Variants in CUX1 observed in about 807,000 individuals in gnomAD.
CUX1 encodes protein CASP.
In CUX1, 31 loss-of-function variants were observed where a neutral mutation model predicts 158.8. The observed-to-expected ratio is 0.20, with a 90% CI of 0.15 to 0.26. The LOEUF is 0.26. CUX1 is among the 10% of genes least tolerant of loss of function. CUX1 has a pLI of 1.00. For synonymous variants in CUX1, 879 were observed against 862.1 expected, an observed-to-expected ratio of 1.02 and a Z score of -0.34; for missense variants, 1,589 against 2,014.6, an observed-to-expected ratio of 0.79 and a Z score of 4.04.
intron 2 of CUX1, among the ~76,000 whole-genome samples, chr7:101,963,776 C>T (rs761253913): frequency 1.3e-5 from 2 of 152,032 alleles, no homozygotes; most frequent in African/African-American, 4.8e-5. Flanking sequence ...CTCAGCCTCC[C>T]GATTATCTGG....
intron 1 of CUX1, among the ~76,000 whole-genome samples, chr7:101,827,973 GTTT>G (rs112801049): frequency 1.0e-5 from 1 of 98,674 alleles, no homozygotes; most frequent in Non-Finnish European, 2.0e-5. Context: ...GGTATAACTT[GTTT>G]TTTTTTTTTT....
At chr7:102,165,014 C>G (rs1431978786) in intron 9 of CUX1, among the ~76,000 whole-genome samples, 1 of 152,090 alleles carries the variant, frequency 6.6e-6, no homozygotes, top group East Asian at 1.9e-4. Context: ...AGGAGTCTGC[C>G]CTTAAAGGGG....
At chr7:102,223,496 G>A (rs529954666) in intron 20 of CUX1, among the ~76,000 whole-genome samples, 1 of 152,070 alleles carries the variant, frequency 6.6e-6, no homozygotes, top group South Asian at 2.1e-4. Flanking sequence ...TGTGCAGCGG[G>A]GAGAGTTGGC....
chr7:102,231,993 G>A (rs762300379), intron 21 of CUX1, among the ~76,000 whole-genome samples: 2 of 151,218 alleles, frequency 1.3e-5, no homozygotes, highest in Non-Finnish European at 2.9e-5. Flanking sequence ...GATTACAGGC[G>A]TGAGCCACCG....
chr7:102,266,239 A>AG (rs1790806247), intron 14 of CUX1, among the ~76,000 whole-genome samples: 2 of 150,198 alleles, frequency 1.3e-5, no homozygotes, highest in Non-Finnish European at 3.0e-5. Flanking sequence ...GAGAGACTTA[A>AG]GACAGATTCA....
intron 1 of CUX1, among the ~76,000 whole-genome samples, chr7:101,909,164 G>A (rs1255864741): frequency 5.9e-5 from 9 of 151,958 alleles, no homozygotes; most frequent in Non-Finnish European, 1.0e-4. Context: ...TTGGGAGGCC[G>A]AGGCGGGAGG....
Position 102,062,753 on chromosome 7 carries a change from G to C in CUX1, c.190-7586G>C, listed in dbSNP as rs932454372. Among the ~76,000 whole-genome samples the C allele has an allele frequency of 4.6e-5, 7 of 152,070 alleles. No homozygotes were observed. The South Asian group carries it at 1.4e-3, about 31-fold the overall frequency. ...TGCACTCAAACGATCCTCCCACCTT[G>C]GCCTCCCAAAGTGCTGGGATTATAG... On this transcript the variant is annotated intron_variant, in intron 3 of 23. Transcript: ENST00000292535.
chr7:102,188,255 T>C (rs1411716742), intron 11 of CUX1, among the ~76,000 whole-genome samples: 2 of 151,814 alleles, frequency 1.3e-5, no homozygotes, highest in African/African-American at 4.8e-5. Flanking sequence ...AGAAACCCTG[T>C]AGAGGGGAAG....
chr7:101,916,287 G>C lies in CUX1; in HGVS notation c.141+62G>C. 9.4e-7 allele frequency: 1 copy of C among 1,065,072 alleles called. No homozygotes were observed. Among genetic ancestry groups the C allele is most frequent in the South Asian group, 1.3e-5 (1 of 79,646 alleles). The allele number at this position is 1,065,072 out of a possible 1,614,324, so 66.0% of individuals were successfully genotyped here. On this transcript the variant is annotated intron_variant, in intron 2 of 23. Transcript: ENST00000292535. The surrounding 1 kb of genome is among the most constrained non-coding windows in gnomAD (Gnocchi z 4.4). ...TCTTAGAATGCTGGTGCATGTTCAGGCGACGCTCCGTGAGCGTTTCATTTT... is the reference window on the plus strand; with the variant it reads ...TCTTAGAATGCTGGTGCATGTTCAGCCGACGCTCCGTGAGCGTTTCATTTT...
At chr7:102,082,925 C>A (rs1299664388) in intron 4 of CUX1, among the ~76,000 whole-genome samples, 1 of 147,590 alleles carries the variant, frequency 6.8e-6, no homozygotes, top group Non-Finnish European at 1.5e-5. Flanking sequence ...GAAGTTGTTA[C>A]ATAGGTATAT....
Position 102,254,531 on chromosome 7 carries a change from G to A in CUX1, c.*5489G>A. On this transcript the variant is annotated 3_prime_UTR_variant, in exon 24 of 24. Coordinates refer to ENST00000292535, the MANE Select transcript of CUX1 (RefSeq NM_181552.4). ...CGAAGAAAATCAGCTCCTGGGGCTG[G>A]TGGTTGGAGGTGGGTCTGTCCACTG... The A allele has an allele frequency of 1.0e-6, 1 of 985,534 alleles. No homozygotes were observed. The highest frequency in any genetic ancestry group is 1.2e-6 in the Non-Finnish European group (1 of 830,004). The allele number at this position is 985,534 out of a possible 1,614,324, so 61.0% of individuals were successfully genotyped here. A position where few individuals can be genotyped will look rare whatever the true frequency, so the allele number is the denominator to read the frequency against.
At chr7:102,083,886 T>C (rs1827697894) in intron 4 of CUX1, among the ~76,000 whole-genome samples, 1 of 146,818 alleles carries the variant, frequency 6.8e-6, no homozygotes. Context: ...AAATCTACAA[T>C]GTTTATTTTA....
At chr7:102,151,481 G>A (rs1176832944) in intron 8 of CUX1, among the ~76,000 whole-genome samples, 2 of 152,022 alleles carry the variant, frequency 1.3e-5, no homozygotes, top group Non-Finnish European at 2.9e-5. Flanking sequence ...TTGAACCCAG[G>A]AGATGGAGGT....
At chr7:102,128,989 A>G (rs1332537223) in intron 8 of CUX1, among the ~76,000 whole-genome samples, 3 of 151,804 alleles carry the variant, frequency 2.0e-5, no homozygotes, top group African/African-American at 7.3e-5. Flanking sequence ...AAAAAGAGAA[A>G]AGAATGCCAC....
At chr7:102,014,247 C>T (rs538100807) in intron 2 of CUX1, among the ~76,000 whole-genome samples, 1 of 152,132 alleles carries the variant, frequency 6.6e-6, no homozygotes, top group South Asian at 2.1e-4. Context: ...TTCATAGTAT[C>T]TCAAAAGACA....
At chr7:102,142,200 G>A (rs534069910) in intron 8 of CUX1, among the ~76,000 whole-genome samples, 3 of 152,252 alleles carry the variant, frequency 2.0e-5, no homozygotes, top group African/African-American at 4.8e-5. Context: ...AGAGAAGCCC[G>A]CGTCTTGTCC....
At chr7:102,282,605 TG>T in intron 21 of CUX1, 1 of 1,188,296 alleles carries the variant, frequency 8.4e-7, no homozygotes, top group Admixed American at 2.2e-5. Context: ...CCCCGGAGTC[TG>T]GGGCTCGAGA....
intron 10 of CUX1, among the ~76,000 whole-genome samples, chr7:102,177,376 T>A (rs1792489411): frequency 6.8e-6 from 1 of 146,538 alleles, no homozygotes; most frequent in Admixed American, 6.9e-5. Flanking sequence ...ATCGCGCCAC[T>A]GCACTCCAGC....
chr7:102,255,920 TTTC>T lies in CUX1; in HGVS notation c.*6882_*6884del, dbSNP rs1789845344. On this transcript the variant is annotated 3_prime_UTR_variant, in exon 24 of 24. Transcript: ENST00000292535. ...AAAGCTCTGTGCAATTGAAATCATT[TTTC>T]TTCATTTTAAAAAAATAACGTATTG... The T allele has an allele frequency of 5.1e-6, 5 of 985,448 alleles. No individual in the cohort carries two copies. The highest frequency in any genetic ancestry group is 6.0e-6 in the Non-Finnish European group (5 of 829,918). The allele number at this position is 985,448 out of a possible 1,614,324, so 61.0% of individuals were successfully genotyped here. A position where few individuals can be genotyped will look rare whatever the true frequency, so the allele number is the denominator to read the frequency against.
Sources: gnomAD v4.1 joint callset for allele counts (sites outside exome capture counted in the v4.1 genomes callset) on GRCh38, gnomAD v4.1.1 for gene constraint, Gnocchi (gnomAD v3.1) non-coding constraint, MANE v1.5 for transcripts, NCBI Gene and HGNC (gene_info 2026-07-23, HGNC 2026-07-21) for gene names.